Variants in CTIF observed in about 807,000 individuals in gnomAD.
The protein encoded by CTIF is CBP80/20-dependent translation initiation factor.
In CTIF, 21 loss-of-function variants were observed where a neutral mutation model predicts 66.0. The ratio of observed to expected loss-of-function variants is 0.32; its 90% CI spans 0.23 to 0.46. CTIF has a LOEUF of 0.46. CTIF is among the 20% of genes least tolerant of loss of function. CTIF has a pLI of 1.00. For synonymous variants in CTIF, 345 were observed against 326.4 expected, an observed-to-expected ratio of 1.06 and a Z score of -0.62; for missense variants, 739 against 812.7, an observed-to-expected ratio of 0.91 and a Z score of 1.10.
intron 9 of CTIF, among the ~76,000 whole-genome samples, chr18:48,790,319 A>G (rs2067763706): frequency 6.6e-6 from 1 of 152,256 alleles, no homozygotes; most frequent in Non-Finnish European, 1.5e-5. Flanking sequence ...GAAGTGTCCA[A>G]CAGGCAGGGA....
chr18:48,553,514 T>C (rs2088939761), intron 1 of CTIF, among the ~76,000 whole-genome samples: 1 of 152,224 alleles, frequency 6.6e-6, no homozygotes, highest in African/African-American at 2.4e-5. Context: ...CAAGGATTGT[T>C]AACCTGCAGC....
Position 48,670,709 on chromosome 18 carries a change from C to G in CTIF, c.472C>G (p.Leu158Val). 1 of 1,614,172 alleles carries G rather than the reference C, an allele frequency of 6.2e-7. No individual in the cohort carries two copies. ...GKLEDGDGIN[L>V]NDIEKVLPAW... ...GCTGGAAGATGGGGATGGCATCAAC[C>G]TGAATGACATCGAGAAGGTCCTTCC... The change falls in exon 6 of 12, where the codon CTG (leucine) becomes GTG (valine). Residue 158 changes from leucine to valine, a missense_variant. Physicochemically the swap from Leu to Val is conservative, Grantham distance 32 (BLOSUM62 1). This residue lies in a region of CTIF where 529 missense variants were observed against 520.3 expected (regional missense o/e 1.02). Transcript: ENST00000256413.
At chr18:48,669,262 C>G (rs1254825557) in intron 5 of CTIF, among the ~76,000 whole-genome samples, 3 of 152,088 alleles carry the variant, frequency 2.0e-5, no homozygotes, top group Non-Finnish European at 2.9e-5. Context: ...GAACTAGTTA[C>G]TCTGAAAGGT....
intron 1 of CTIF, among the ~76,000 whole-genome samples, chr18:48,542,941 G>A (rs1013878773): frequency 1.3e-5 from 2 of 152,212 alleles, no homozygotes; most frequent in African/African-American, 2.4e-5. Flanking sequence ...TGTTCTCCGT[G>A]GTCCCGCCCC....
chr18:48,632,682 G>C (rs1449823111), intron 2 of CTIF, among the ~76,000 whole-genome samples: 7 of 152,136 alleles, frequency 4.6e-5, no homozygotes, highest in African/African-American at 1.7e-4. Context: ...TACTGAGCCT[G>C]TTGCCCCTCT....
chr18:48,597,261 G>A (rs2090003523), intron 1 of CTIF, among the ~76,000 whole-genome samples: 1 of 152,160 alleles, frequency 6.6e-6, no homozygotes, highest in Non-Finnish European at 1.5e-5. Context: ...AGCCTCCAGC[G>A]GGAGACAGAC....
intron 2 of CTIF, among the ~76,000 whole-genome samples, chr18:48,623,893 A>G (rs2090544311): frequency 6.6e-6 from 1 of 152,050 alleles, no homozygotes; most frequent in Admixed American, 6.5e-5. Context: ...GGCTGGATGG[A>G]TGGATAGACA....
chr18:48,749,875 A>G (rs763926198), intron 7 of CTIF, among the ~76,000 whole-genome samples: 17 of 152,164 alleles, frequency 1.1e-4, no homozygotes, highest in Non-Finnish European at 1.6e-4. Context: ...GTGAGGGTCC[A>G]TGGGCCGGAT....
chr18:48,653,385 A>C (rs1435028947), intron 3 of CTIF, among the ~76,000 whole-genome samples: 1 of 152,224 alleles, frequency 6.6e-6, no homozygotes, highest in African/African-American at 2.4e-5. Flanking sequence ...ATTGCTACAA[A>C]GAGAATAAAA....
At chr18:48,632,506 T>C (rs960895863) in intron 2 of CTIF, among the ~76,000 whole-genome samples, 1 of 152,200 alleles carries the variant, frequency 6.6e-6, no homozygotes, top group East Asian at 1.9e-4. Flanking sequence ...CATTTCCATC[T>C]CTACCACCAC....
chr18:48,636,673 C>A lies in CTIF; in HGVS notation c.240C>A (p.Ala80=), dbSNP rs1272463949. The change falls in exon 3 of 12, where the codon GCC becomes GCA. Residue 80 remains alanine (A), a synonymous_variant. Transcript: ENST00000256413. ...DSSCSFSRGR[A]PPQQNGSKDN... The stretch of plus-strand genomic sequence containing the variant: ...GCTGTTCCTTCTCCCGAGGGCGAGC[C>A]CCCCCACAGCAGGTAGGGAACCAGC... 1.3e-6 allele frequency: 2 copies of A among 1,599,066 alleles called. No homozygotes were observed. Among genetic ancestry groups the A allele is most frequent in the African/African-American group, 1.3e-5 (1 of 74,420 alleles).
At chr18:48,568,253 A>G (rs1167633881) in intron 1 of CTIF, 1 of 152,154 alleles carries the variant, frequency 6.6e-6, no homozygotes, top group Non-Finnish European at 1.5e-5. Flanking sequence ...TATTCCTGTG[A>G]GTACATGACA....
At chr18:48,814,190 GAATATA>G (rs1453899604) in intron 9 of CTIF, among the ~76,000 whole-genome samples, 2 of 152,176 alleles carry the variant, frequency 1.3e-5, no homozygotes, top group Admixed American at 6.5e-5. Flanking sequence ...TATTTTTAGG[GAATATA>G]AGGAAATGAC....
chr18:48,797,500 G>T (rs917659232), intron 9 of CTIF, among the ~76,000 whole-genome samples: 4 of 149,460 alleles, frequency 2.7e-5, no homozygotes, highest in Non-Finnish European at 5.9e-5. Flanking sequence ...AAAGGGGTGG[G>T]GGGGCAAGTT....
At chr18:48,774,618 C>T (rs559455833) in intron 9 of CTIF, among the ~76,000 whole-genome samples, 4 of 152,102 alleles carry the variant, frequency 2.6e-5, no homozygotes, top group Non-Finnish European at 4.4e-5. Flanking sequence ...AATCGTCCCC[C>T]CTCCAGCACC....
chr18:48,625,181 G>T (rs1207301877), intron 2 of CTIF: 3 of 983,324 alleles, frequency 3.1e-6, no homozygotes, highest in African/African-American at 3.5e-5. Flanking sequence ...TGATGTCTTT[G>T]CTCACAGGAG....
At chr18:48,721,382 C>T (rs1336079169) in intron 7 of CTIF, among the ~76,000 whole-genome samples, 2 of 152,212 alleles carry the variant, frequency 1.3e-5, no homozygotes, top group African/African-American at 4.8e-5. Flanking sequence ...TTTCATTCCT[C>T]CTCAGAGGTC....
chr18:48,553,373 C>G (rs892126905), intron 1 of CTIF, among the ~76,000 whole-genome samples: 1 of 152,212 alleles, frequency 6.6e-6, no homozygotes, highest in Non-Finnish European at 1.5e-5. Flanking sequence ...CCAAGTTGAG[C>G]CAAAGACCTC....
chr18:48,665,928 G>T (rs943044202), intron 5 of CTIF, among the ~76,000 whole-genome samples: 1 of 152,110 alleles, frequency 6.6e-6, no homozygotes, highest in Non-Finnish European at 1.5e-5. Flanking sequence ...AAATACTGCT[G>T]TATCTTTTTG....
Sources: allele counts gnomAD v4.1 joint callset (sites outside exome capture counted in the v4.1 genomes callset), GRCh38; gene constraint gnomAD v4.1.1; regional missense constraint gnomAD v4.1.1; transcripts MANE v1.5; gene names NCBI Gene and HGNC (gene_info 2026-07-23, HGNC 2026-07-21).